The following DOK6 variants were observed in gnomAD, a reference collection of about 807,000 sequenced individuals.
DOK6 encodes the protein docking protein 6, also known as downstream of tyrosine kinase 6.
A neutral mutation model predicts 44.0 loss-of-function variants in DOK6; 22 were observed. That is an observed-to-expected ratio of 0.50 (90% CI 0.36 to 0.71). The LOEUF is 0.71. DOK6 is among the 30% of genes least tolerant of loss of function. The pLI is 0.00. For missense variants in DOK6, 340 were observed against 416.4 expected, an observed-to-expected ratio of 0.82 and a Z score of 1.60; for synonymous variants, 166 against 145.5, an observed-to-expected ratio of 1.14 and a Z score of -1.01.
At chr18:69,686,597 C>T (rs530646070) in intron 4 of DOK6, among the ~76,000 whole-genome samples, 76 of 152,120 alleles carry the variant, frequency 5.0e-4, no homozygotes, top group Admixed American at 3.1e-3. Flanking sequence ...CTAAATTTCC[C>T]ATCTGCTGTA....
At chr18:69,434,347 A>T (rs992962454) in intron 1 of DOK6, among the ~76,000 whole-genome samples, 2 of 152,220 alleles carry the variant, frequency 1.3e-5, no homozygotes, top group Non-Finnish European at 2.9e-5. Flanking sequence ...TCATTGAACA[A>T]AATGGGGAAA....
intron 1 of DOK6, among the ~76,000 whole-genome samples, chr18:69,530,711 G>T (rs145398543): frequency 6.6e-6 from 1 of 152,106 alleles, no homozygotes; most frequent in African/African-American, 2.4e-5. Flanking sequence ...GAATAAGTGC[G>T]ATGTGGTGCT....
At chr18:69,837,008 A>G (rs931000740) in intron 7 of DOK6, among the ~76,000 whole-genome samples, 1 of 152,194 alleles carries the variant, frequency 6.6e-6, no homozygotes, top group Non-Finnish European at 1.5e-5. Context: ...TTATCTGTAA[A>G]GAAACGGTTG....
chr18:69,736,581 TC>T (rs1978615536), intron 5 of DOK6, among the ~76,000 whole-genome samples: 1 of 152,200 alleles, frequency 6.6e-6, no homozygotes, highest in African/African-American at 2.4e-5. Flanking sequence ...ATCCATATTT[TC>T]CCTGTTTCAC....
At chr18:69,504,794 A>C (rs1158976823) in intron 1 of DOK6, among the ~76,000 whole-genome samples, 4 of 152,202 alleles carry the variant, frequency 2.6e-5, no homozygotes, top group African/African-American at 9.6e-5. Flanking sequence ...AAATCTTGTG[A>C]TCTAGGGCTT....
intron 1 of DOK6, among the ~76,000 whole-genome samples, chr18:69,452,466 G>A (rs1235720064): frequency 2.3e-5 from 3 of 127,678 alleles, no homozygotes; most frequent in African/African-American, 9.4e-5. Context: ...ATTCACAGCC[G>A]AATTCTACCA....
At chr18:69,819,340 G>A (rs914621450) in intron 7 of DOK6, among the ~76,000 whole-genome samples, 3 of 152,078 alleles carry the variant, frequency 2.0e-5, no homozygotes, top group Non-Finnish European at 4.4e-5. Context: ...AACCCAAAAT[G>A]TTTTGCTGCT....
chr18:69,558,078 TA>T (rs1423852950), intron 1 of DOK6, among the ~76,000 whole-genome samples: 1 of 152,146 alleles, frequency 6.6e-6, no homozygotes, highest in Non-Finnish European at 1.5e-5. Flanking sequence ...ACAAGCAAAA[TA>T]AAACCTATTC....
intron 1 of DOK6, among the ~76,000 whole-genome samples, chr18:69,492,777 T>C (rs1980770693): frequency 9.3e-6 from 1 of 107,698 alleles, no homozygotes; most frequent in African/African-American, 3.0e-5. Context: ...TAATATTCCA[T>C]GGTGTATATG....
intron 4 of DOK6, among the ~76,000 whole-genome samples, chr18:69,678,601 G>A (rs540724051): frequency 6.6e-6 from 1 of 152,224 alleles, no homozygotes; most frequent in East Asian, 1.9e-4. Context: ...TGTTTCTAAT[G>A]GTGTTGACTT....
intron 2 of DOK6, among the ~76,000 whole-genome samples, chr18:69,580,197 C>T (rs1465673023): frequency 2.6e-5 from 4 of 152,204 alleles, no homozygotes; most frequent in East Asian, 1.9e-4. Context: ...GTCAGGTGGA[C>T]TGGGTTTTCA....
chr18:69,608,317 A>G (rs1191576724), intron 3 of DOK6, among the ~76,000 whole-genome samples: 1 of 152,190 alleles, frequency 6.6e-6, no homozygotes, highest in Non-Finnish European at 1.5e-5. Context: ...TGAGTTGACT[A>G]TATACGTGTG....
At chr18:69,661,784 G>A (rs1246342706) in intron 3 of DOK6, 1 of 152,158 alleles carries the variant, frequency 6.6e-6, no homozygotes, top group East Asian at 1.9e-4. Flanking sequence ...GCAATGTGAA[G>A]GAAAAGTAGA....
At chr18:69,492,552 T>C (rs1027657449) in intron 1 of DOK6, among the ~76,000 whole-genome samples, 1 of 152,070 alleles carries the variant, frequency 6.6e-6, no homozygotes, top group Non-Finnish European at 1.5e-5. Flanking sequence ...TAGTACCCGA[T>C]AGGTAGTTTT....
At chr18:69,775,731 A>G (rs917443718) in intron 7 of DOK6, among the ~76,000 whole-genome samples, 1 of 151,946 alleles carries the variant, frequency 6.6e-6, no homozygotes, top group Non-Finnish European at 1.5e-5. Flanking sequence ...TGCCTGTTAT[A>G]AAAGAGAAGG....
intron 5 of DOK6, among the ~76,000 whole-genome samples, chr18:69,736,214 A>T (rs572399017): frequency 6.6e-6 from 1 of 152,340 alleles, no homozygotes; most frequent in East Asian, 1.9e-4. Flanking sequence ...CTTGAAAATT[A>T]TATGATACAT....
At chr18:69,436,883 T>C (rs1978995567) in intron 1 of DOK6, among the ~76,000 whole-genome samples, 1 of 152,252 alleles carries the variant, frequency 6.6e-6, no homozygotes, top group East Asian at 1.9e-4. Context: ...CTCATTGTGG[T>C]TTTGCTTTGC....
intron 5 of DOK6, among the ~76,000 whole-genome samples, chr18:69,710,174 G>C (rs12965851): frequency 0.56 from 85,454 of 151,928 alleles, 24,417 homozygotes; most frequent in East Asian, 0.82. Context: ...GTGAGACCCT[G>C]TCTCAGAAAA....
At position 69,591,918 on chromosome 18, in the gene DOK6, C is replaced by G. The variant is rs189424457; in HGVS notation, c.175-7466C>G. 5.3e-5 allele frequency among the ~76,000 whole-genome samples: 8 copies of G among 152,058 alleles called. No homozygotes were observed. The East Asian group carries it at 1.5e-3, about 29-fold the overall frequency. On this transcript the variant is annotated intron_variant, in intron 2 of 7. Coordinates refer to ENST00000382713, the MANE Select transcript of DOK6 (RefSeq NM_152721.6). ...CTTATTTTCTTCATATGTTCTTAAT[C>G]AAAAGAATATATTAAACAGATTAAA... is the stretch of plus-strand genomic sequence containing the variant.
Sources: gnomAD v4.1 joint callset for allele counts (sites outside exome capture counted in the v4.1 genomes callset) on GRCh38, gnomAD v4.1.1 for gene constraint, MANE v1.5 for transcripts, NCBI Gene and HGNC (gene_info 2026-07-23, HGNC 2026-07-21) for gene names.